MNAT1: variants seen among roughly 807,000 people sequenced by gnomAD.
MNAT1 encodes CDK-activating kinase assembly factor MAT1.
MNAT1 carries 43 observed loss-of-function variants against 42.0 expected under a neutral mutation model. The observed-to-expected ratio is 1.02, with a 90% CI of 0.80 to 1.32. The LOEUF (loss-of-function observed/expected upper bound fraction) is 1.32. MNAT1 is among the 40% of genes most tolerant of loss of function. The pLI, the probability that MNAT1 is intolerant of heterozygous loss-of-function variation, is 0.00. For synonymous variants in MNAT1, 118 were observed against 120.0 expected, an observed-to-expected ratio of 0.98 and a Z score of 0.11; for missense variants, 306 against 350.4, an observed-to-expected ratio of 0.87 and a Z score of 1.01.
chr14:60,925,894 A>G (rs557496839), intron 7 of MNAT1, among the ~76,000 whole-genome samples: 3 of 152,344 alleles, frequency 2.0e-5, no homozygotes, highest in Admixed American at 2.0e-4. Context: ...AGATCTTTCA[A>G]GAAAAATTAT....
chr14:60,814,070 C>G (rs963589750), intron 5 of MNAT1, among the ~76,000 whole-genome samples: 8 of 152,074 alleles, frequency 5.3e-5, no homozygotes, highest in African/African-American at 1.9e-4. Context: ...GACTAAAATA[C>G]ATTGTTTCTG....
intron 1 of MNAT1, among the ~76,000 whole-genome samples, chr14:60,741,557 C>T (rs1364228531): frequency 6.6e-6 from 1 of 150,450 alleles, no homozygotes; most frequent in Non-Finnish European, 1.5e-5. Context: ...GACAGGGTTT[C>T]ACTGTGTTAG....
chr14:60,761,961 A>C (rs1036149434), intron 1 of MNAT1, among the ~76,000 whole-genome samples: 1 of 152,220 alleles, frequency 6.6e-6, no homozygotes, highest in Non-Finnish European at 1.5e-5. Context: ...TGTAAGTGGG[A>C]TCAAACTATC....
At chr14:60,863,374 A>G (rs1437443829) in intron 6 of MNAT1, among the ~76,000 whole-genome samples, 1 of 152,162 alleles carries the variant, frequency 6.6e-6, no homozygotes, top group African/African-American at 2.4e-5. Flanking sequence ...GCAAAATGAC[A>G]GGCAACCATT....
intron 7 of MNAT1, among the ~76,000 whole-genome samples, chr14:60,894,514 CTTTG>C (rs1182053974): frequency 6.6e-6 from 1 of 152,110 alleles, no homozygotes; most frequent in East Asian, 1.9e-4. Flanking sequence ...TTGGGCAACA[CTTTG>C]TTTGGAGCCC....
chr14:60,737,994 G>A (rs952647425), intron 1 of MNAT1, among the ~76,000 whole-genome samples: 4 of 149,122 alleles, frequency 2.7e-5, no homozygotes, highest in African/African-American at 9.9e-5. Context: ...GACTACAGGC[G>A]CCCGCTACCA....
At chr14:60,813,018 C>T (rs897791582) in intron 5 of MNAT1, among the ~76,000 whole-genome samples, 3 of 152,178 alleles carry the variant, frequency 2.0e-5, no homozygotes, top group African/African-American at 7.2e-5. Flanking sequence ...GGTGACAAGG[C>T]CAGAAGCCAA....
At chr14:60,906,183 G>A (rs974610508) in intron 7 of MNAT1, among the ~76,000 whole-genome samples, 2 of 152,134 alleles carry the variant, frequency 1.3e-5, no homozygotes, top group African/African-American at 4.8e-5. Context: ...AGAATGTCTG[G>A]AGCAGGAGTA....
intron 7 of MNAT1, among the ~76,000 whole-genome samples, chr14:60,932,779 G>C (rs909915163): frequency 1.3e-5 from 2 of 151,956 alleles, no homozygotes; most frequent in African/African-American, 4.8e-5. Context: ...CTATGTGTTA[G>C]AGATCATACT....
At chr14:60,897,193 G>A (rs2034975329) in intron 7 of MNAT1, among the ~76,000 whole-genome samples, 2 of 152,036 alleles carry the variant, frequency 1.3e-5, no homozygotes, top group African/African-American at 4.8e-5. Flanking sequence ...ATTTAAGGTA[G>A]ATATAAATTT....
chr14:60,890,161 T>C (rs979487174), intron 7 of MNAT1, among the ~76,000 whole-genome samples: 3 of 152,182 alleles, frequency 2.0e-5, no homozygotes, highest in African/African-American at 4.8e-5. Context: ...CATATGTTTA[T>C]TGCGGCACTA....
chr14:60,847,234 C>A (rs2033704949), intron 6 of MNAT1, among the ~76,000 whole-genome samples: 1 of 151,950 alleles, frequency 6.6e-6, no homozygotes, highest in African/African-American at 2.4e-5. Context: ...GAAACCCCGT[C>A]TCTACTAAAA....
chr14:60,790,316 A>G (rs1163217014), intron 1 of MNAT1, among the ~76,000 whole-genome samples: 1 of 152,150 alleles, frequency 6.6e-6, no homozygotes, highest in Non-Finnish European at 1.5e-5. Context: ...CTCCCATTCT[A>G]TTGAAAGTCA....
Position 60,965,230 on chromosome 14 carries a change from A to G in MNAT1, c.810-2999A>G, listed in dbSNP as rs192648566. 2.0e-5 allele frequency among the ~76,000 whole-genome samples: 3 copies of G among 152,368 alleles called. No homozygotes were observed. The East Asian group carries it at 5.8e-4, about 29-fold the overall frequency. On this transcript the variant is annotated intron_variant, in intron 7 of 7. Transcript: ENST00000261245. ...GTGAGAATTGTACAACTTAGCATTAATAAGTCAAATTTAAAAATTTGCTCA... is the reference window on the plus strand; with the variant it reads ...GTGAGAATTGTACAACTTAGCATTAGTAAGTCAAATTTAAAAATTTGCTCA...
At chr14:60,861,290 G>A (rs1344584907) in intron 6 of MNAT1, among the ~76,000 whole-genome samples, 2 of 151,988 alleles carry the variant, frequency 1.3e-5, no homozygotes, top group Non-Finnish European at 2.9e-5. Flanking sequence ...TCAAACTCAT[G>A]AACATTTACA....
intron 7 of MNAT1, among the ~76,000 whole-genome samples, chr14:60,914,245 A>G (rs1055883767): frequency 2.9e-4 from 44 of 152,196 alleles, no homozygotes; most frequent in African/African-American, 1.1e-3. Flanking sequence ...TGACTAGGAA[A>G]GGGAATTCCC....
chr14:60,774,951 G>A (rs147171629), intron 1 of MNAT1, among the ~76,000 whole-genome samples: 1 of 152,266 alleles, frequency 6.6e-6, no homozygotes, highest in East Asian at 1.9e-4. Flanking sequence ...TTGATTAGGA[G>A]TCATTGATTA....
At chr14:60,868,849 A>G (rs992240760) in intron 6 of MNAT1, among the ~76,000 whole-genome samples, 1 of 152,018 alleles carries the variant, frequency 6.6e-6, no homozygotes, top group Non-Finnish European at 1.5e-5. Context: ...TAGAGAAGGT[A>G]GAAATTTATT....
rs539010453 is a variant in MNAT1, at chr14:60,946,748, G to A, written c.810-21481G>A. Among the ~76,000 whole-genome samples, 5 of 152,154 alleles carry A rather than the reference G, an allele frequency of 3.3e-5. No homozygotes were observed. In the South Asian group the frequency reaches 1.0e-3, roughly 32 times the overall value. ...TGAACAGGCCACATACCTTTCCTGA[G>A]ACCAGTACTATGGGGGTAGGATTTA... On this transcript the variant is annotated intron_variant, in intron 7 of 7. Coordinates refer to ENST00000261245, the MANE Select transcript of MNAT1 (RefSeq NM_002431.4).
Sources: allele counts gnomAD v4.1 joint callset (sites outside exome capture counted in the v4.1 genomes callset), GRCh38; gene constraint gnomAD v4.1.1; transcripts MANE v1.5; gene names NCBI Gene and HGNC (gene_info 2026-07-23, HGNC 2026-07-21).